MROH9: variants seen among roughly 807,000 people sequenced by gnomAD.
The protein encoded by MROH9 is maestro heat like repeat family member 9.
MROH9 carries 92 observed loss-of-function variants against 98.2 expected under a neutral mutation model. The ratio of observed to expected loss-of-function variants is 0.94; its 90% CI spans 0.79 to 1.11. MROH9 has a LOEUF of 1.11. Ranked by LOEUF, MROH9 falls within the 50% of genes most tolerant of loss-of-function variation. The pLI, the probability that MROH9 is intolerant of heterozygous loss-of-function variation, is 0.00. For synonymous variants in MROH9, 397 were observed against 368.9 expected (o/e 1.08, Z -0.87); for missense variants, 1,057 against 1,014.8 (o/e 1.04, Z -0.57).
Position 170,995,595 on chromosome 1 carries a change from C to A in MROH9, c.1337+64C>A, listed in dbSNP as rs73038205. The stretch of plus-strand genomic sequence containing the variant: ...AAGCGTCCAGCTGTCAATACTTCTA[C>A]CCTCTTGGGTTCATATGGGATTCTT... On this transcript the variant is annotated intron_variant, in intron 13 of 21. Transcript: ENST00000367759. 1,947 of 1,570,440 alleles carry A rather than the reference C, an allele frequency of 1.2e-3. 23 individuals carry two copies. In the African/African-American group the frequency reaches 0.023, roughly 19 times the overall value.
At chr1:170,997,999 T>A (rs1020180726) in intron 14 of MROH9, among the ~76,000 whole-genome samples, 155 bp from the exon 15 acceptor site, 7 of 152,168 alleles carry the variant, frequency 4.6e-5, no homozygotes, top group Non-Finnish European at 1.0e-4. Context: ...CTCCAGAGTA[T>A]GTGTAGAATT....
chr1:171,036,645 T>G (rs576079278), intron 20 of MROH9, among the ~76,000 whole-genome samples: 1 of 151,932 alleles, frequency 6.6e-6, no homozygotes, highest in Non-Finnish European at 1.5e-5. Flanking sequence ...AATCCAAATG[T>G]CTGTCACAAG....
At chr1:171,021,910 A>AACC (rs200220817) in intron 17 of MROH9, among the ~76,000 whole-genome samples, 1 of 151,706 alleles carries the variant, frequency 6.6e-6, no homozygotes, top group Non-Finnish European at 1.5e-5. Context: ...AAGAAAAAAA[A>AACC]AAAATGACCC....
At chr1:171,034,471 T>C (rs1454483447) in intron 20 of MROH9, among the ~76,000 whole-genome samples, 7 of 152,222 alleles carry the variant, frequency 4.6e-5, no homozygotes, top group Non-Finnish European at 1.0e-4. Flanking sequence ...CTCTGCATTC[T>C]GTATCTCCCA....
chr1:171,031,832 A>T (rs1002023650), intron 20 of MROH9, among the ~76,000 whole-genome samples: 1 of 152,150 alleles, frequency 6.6e-6, no homozygotes, highest in East Asian at 1.9e-4. Context: ...CTGTCTTGCT[A>T]GGTTGGGAAA....
At chr1:170,937,582 C>T (rs376340525) in intron 1 of MROH9, among the ~76,000 whole-genome samples, 1 of 132,960 alleles carries the variant, frequency 7.5e-6, no homozygotes, top group Admixed American at 9.0e-5. Context: ...AGTGCAGTGG[C>T]GGGATCTCGG....
intron 20 of MROH9, among the ~76,000 whole-genome samples, chr1:171,044,819 C>A (rs1364426108): frequency 6.6e-6 from 1 of 151,374 alleles, no homozygotes; most frequent in Non-Finnish European, 1.5e-5. Flanking sequence ...TCTCCTTTTT[C>A]ATTTTTTATT....
intron 20 of MROH9, among the ~76,000 whole-genome samples, chr1:171,057,499 C>A (rs1557917200): frequency 6.6e-6 from 1 of 152,024 alleles, no homozygotes; most frequent in African/African-American, 2.4e-5. Flanking sequence ...GACTGGAATA[C>A]CTGAAGGAGA....
At chr1:170,958,903 CTT>C (rs1416451745) in intron 4 of MROH9, among the ~76,000 whole-genome samples, 2 of 152,170 alleles carry the variant, frequency 1.3e-5, no homozygotes, top group Non-Finnish European at 2.9e-5. Context: ...TGTAACCACT[CTT>C]TGCATTATTA....
chr1:170,942,073 CT>C (rs1649141815), intron 1 of MROH9, among the ~76,000 whole-genome samples: 1 of 152,108 alleles, frequency 6.6e-6, no homozygotes, highest in African/African-American at 2.4e-5. Flanking sequence ...CCTAATTCAA[CT>C]TTTTGTTTCT....
rs762516399 is a variant in MROH9, at chr1:171,014,866, G to A, written c.1734+612G>A. 66 of 425,246 alleles carry A rather than the reference G, an allele frequency of 1.6e-4. 1 individual carries two copies. Among genetic ancestry groups the A allele is most frequent in the Admixed American group, 5.3e-4 (20 of 37,818 alleles). 26.3% of individuals were successfully genotyped at this position (425,246 alleles called of 1,614,324 possible). A position where few individuals can be genotyped will look rare whatever the true frequency, so the allele number is the denominator to read the frequency against. ...ATGCAAATTGTGAGGCCCCACCCCC[G>A]TCCTATGGAATCAGAAATTCTGGGG... On this transcript the variant is annotated intron_variant, in intron 16 of 21. Transcript: ENST00000367759.
intron 21 of MROH9, among the ~76,000 whole-genome samples, chr1:171,062,931 C>T (rs1654055857): frequency 2.6e-5 from 4 of 152,004 alleles, no homozygotes; most frequent in Admixed American, 2.6e-4. Context: ...CAGAGTAGTA[C>T]ATTTATTATA....
intron 20 of MROH9, among the ~76,000 whole-genome samples, chr1:171,061,782 C>T (rs1211823324): frequency 6.6e-6 from 1 of 152,094 alleles, no homozygotes; most frequent in African/African-American, 2.4e-5. Flanking sequence ...CAAAGGAAAG[C>T]AGACACAAAA....
chr1:171,023,848 A>AC (rs1652602403), intron 17 of MROH9, among the ~76,000 whole-genome samples: 2 of 152,152 alleles, frequency 1.3e-5, no homozygotes, highest in South Asian at 4.1e-4. Context: ...GATCTCTAGA[A>AC]TTTATTCATC....
At position 171,024,411 on chromosome 1, in the gene MROH9, G is replaced by A. The variant is rs756299221; in HGVS notation, c.1925G>A (p.Arg642Gln). ...TLMDHINGGI[R>Q]SMAIRHFGQL... ...CTTTTACAGATTAATGGAGGCATTC[G>A]AAGTATGGCAATTCGACACTTTGGT... Residue 642 changes from arginine (R) to glutamine (Q), a missense_variant, in exon 18 of 22, where the codon CGA becomes CAA. Transcript: ENST00000367759. 23 of 1,549,676 alleles carry A rather than the reference G, an allele frequency of 1.5e-5. No homozygotes were observed. In the South Asian group the frequency reaches 2.1e-4, roughly 14 times the overall value.
intron 6 of MROH9, among the ~76,000 whole-genome samples, chr1:170,963,733 C>T (rs549167346): frequency 6.6e-6 from 1 of 152,018 alleles, no homozygotes; most frequent in Non-Finnish European, 1.5e-5. Context: ...AACACAGAAA[C>T]AGAAAACCAA....
At chr1:171,000,588 C>T (rs1376289303) in intron 15 of MROH9, among the ~76,000 whole-genome samples, 1 of 152,106 alleles carries the variant, frequency 6.6e-6, no homozygotes, top group African/African-American at 2.4e-5. Flanking sequence ...TGGTATGAAA[C>T]CCACTTGATC....
intron 3 of MROH9, among the ~76,000 whole-genome samples, chr1:170,952,662 ATGG>A (rs1557871061): frequency 6.6e-6 from 1 of 151,926 alleles, no homozygotes; most frequent in African/African-American, 2.4e-5. Flanking sequence ...TGACAAGTTA[ATGG>A]GTGCAGCACA....
intron 5 of MROH9, among the ~76,000 whole-genome samples, chr1:170,960,781 C>A (rs1254849735): frequency 6.6e-6 from 1 of 152,088 alleles, no homozygotes; most frequent in South Asian, 2.1e-4. Context: ...CACCACCATA[C>A]CTGGCTAATT....
Sources: gnomAD v4.1 joint callset for allele counts (sites outside exome capture counted in the v4.1 genomes callset) on GRCh38, gnomAD v4.1.1 for gene constraint, MANE v1.5 for transcripts, NCBI Gene and HGNC (gene_info 2026-07-23, HGNC 2026-07-21) for gene names.